The following NKAIN3 variants were observed in gnomAD, a reference collection of about 807,000 sequenced individuals.
NKAIN3 encodes the protein sodium/potassium transporting ATPase interacting 3.
In NKAIN3, 25 loss-of-function variants were observed where a neutral mutation model predicts 30.2. The ratio of observed to expected loss-of-function variants is 0.83; its 90% CI spans 0.60 to 1.16. NKAIN3 has a LOEUF of 1.16. Ranked by LOEUF, NKAIN3 falls within the 50% of genes most tolerant of loss-of-function variation. The pLI is 0.00. For missense variants in NKAIN3, 225 were observed against 254.1 expected (o/e 0.89, Z 0.78); for synonymous variants, 91 against 89.6 (o/e 1.02, Z -0.09).
chr8:62,989,552 A>G (rs1020244041), downstream of NKAIN3, among the ~76,000 whole-genome samples: 3 of 151,928 alleles, frequency 2.0e-5, no homozygotes, highest in Non-Finnish European at 4.4e-5. Flanking sequence ...TGATTCTATA[A>G]CTCCCACAAC....
At chr8:62,869,234 T>A (rs1820515467) in intron 4 of NKAIN3, among the ~76,000 whole-genome samples, 1 of 152,224 alleles carries the variant, frequency 6.6e-6, no homozygotes, top group Admixed American at 6.5e-5. Flanking sequence ...CATGGTGGTT[T>A]GCTGCACCTA....
chr8:62,747,494 G>A (rs1206007770), intron 4 of NKAIN3, among the ~76,000 whole-genome samples: 1 of 152,184 alleles, frequency 6.6e-6, no homozygotes, highest in Non-Finnish European at 1.5e-5. Context: ...AAAGAAGGAT[G>A]GAAACACCCA....
At chr8:62,426,127 G>A (rs761009409) in intron 1 of NKAIN3, among the ~76,000 whole-genome samples, 4 of 151,842 alleles carry the variant, frequency 2.6e-5, no homozygotes, top group Admixed American at 6.6e-5. Flanking sequence ...AGTCAATAGC[G>A]GTTCAAGTCT....
intron 1 of NKAIN3, among the ~76,000 whole-genome samples, chr8:62,250,776 A>G (rs1812076798): frequency 6.6e-6 from 1 of 152,204 alleles, no homozygotes; most frequent in Non-Finnish European, 1.5e-5. Flanking sequence ...CCACTTTCTT[A>G]GTTGATACAA....
intron 4 of NKAIN3, among the ~76,000 whole-genome samples, chr8:62,751,883 C>T (rs1403093816): frequency 6.6e-6 from 1 of 151,736 alleles, no homozygotes; most frequent in Non-Finnish European, 1.5e-5. Flanking sequence ...CCCACTCACT[C>T]CCTCAGGCTG....
intron 4 of NKAIN3, among the ~76,000 whole-genome samples, chr8:62,750,664 A>G (rs1045919019): frequency 2.0e-5 from 3 of 152,104 alleles, no homozygotes; most frequent in African/African-American, 7.2e-5. Context: ...AGGCACAGAG[A>G]AGGTTCTTGT....
chr8:62,559,152 T>G (rs1809492550), intron 1 of NKAIN3, among the ~76,000 whole-genome samples: 1 of 152,062 alleles, frequency 6.6e-6, no homozygotes, highest in African/African-American at 2.4e-5. Flanking sequence ...TGCTTCTGGG[T>G]AGCAGAAGCA....
chr8:62,732,116 A>G (rs1815487363), intron 3 of NKAIN3, among the ~76,000 whole-genome samples: 1 of 152,110 alleles, frequency 6.6e-6, no homozygotes, highest in Non-Finnish European at 1.5e-5. Context: ...ATGTTTTAAT[A>G]ATTTAGATTT....
At chr8:62,857,059 T>C in intron 4 of NKAIN3, 1 of 493,186 alleles carries the variant, frequency 2.0e-6, no homozygotes, top group Non-Finnish European at 4.0e-6. Flanking sequence ...GGCCTCAGTT[T>C]TGTAATACGA....
chr8:62,746,295 C>T (rs1002346735), intron 3 of NKAIN3, among the ~76,000 whole-genome samples: 1 of 152,162 alleles, frequency 6.6e-6, no homozygotes, highest in Admixed American at 6.5e-5. Flanking sequence ...TAAGAATATA[C>T]ACGATTGCAT....
chr8:62,974,941 CT>C lies in NKAIN3; in HGVS notation c.*9535del, dbSNP rs571148830. The stretch of plus-strand genomic sequence containing the variant: ...AATCATGTGGTTTTTGTCATTGGTT[CT>C]GTTTATGTGATGGATTACATTCATT... On this transcript the variant is annotated 3_prime_UTR_variant, in exon 7 of 7. Coordinates refer to ENST00000623646, the MANE Select transcript of NKAIN3 (RefSeq NM_001304533.3). Among the ~76,000 whole-genome samples the C allele has an allele frequency of 3.9e-5, 6 of 152,256 alleles. No individual in the cohort carries two copies. In the South Asian group the frequency reaches 1.2e-3, roughly 32 times the overall value.
At chr8:62,594,186 T>C (rs1810749081) in intron 3 of NKAIN3, among the ~76,000 whole-genome samples, 1 of 151,934 alleles carries the variant, frequency 6.6e-6, no homozygotes, top group South Asian at 2.1e-4. Context: ...CTATCAAACA[T>C]AAGAAATACA....
At chr8:62,433,346 G>T (rs1805073909) in intron 1 of NKAIN3, among the ~76,000 whole-genome samples, 1 of 151,390 alleles carries the variant, frequency 6.6e-6, no homozygotes, top group South Asian at 2.1e-4. Flanking sequence ...GTTAAGAAAG[G>T]AAAAAAACGA....
chr8:62,788,525 G>A (rs1223460414), intron 4 of NKAIN3, among the ~76,000 whole-genome samples: 1 of 152,144 alleles, frequency 6.6e-6, no homozygotes, highest in Admixed American at 6.5e-5. Flanking sequence ...CTGTGCAGAG[G>A]CCGTTTAGTT....
At chr8:62,318,404 G>T (rs1367394799) in intron 1 of NKAIN3, among the ~76,000 whole-genome samples, 1 of 152,118 alleles carries the variant, frequency 6.6e-6, no homozygotes, top group African/African-American at 2.4e-5. Context: ...TCCAGTTTTT[G>T]CCCATTCAGT....
At chr8:62,811,638 GT>G (rs1277014325) in intron 4 of NKAIN3, among the ~76,000 whole-genome samples, 2 of 149,392 alleles carry the variant, frequency 1.3e-5, no homozygotes, top group African/African-American at 4.9e-5. Context: ...TGGAGAATAT[GT>G]TTTTTGTGCT....
intron 4 of NKAIN3, among the ~76,000 whole-genome samples, chr8:62,850,241 C>A (rs1819849353): frequency 6.6e-6 from 1 of 152,158 alleles, no homozygotes. Context: ...CTTTTGGCTG[C>A]ATAAATGTCT....
chr8:62,362,291 G>A (rs2351672), intron 1 of NKAIN3, among the ~76,000 whole-genome samples: 147,643 of 152,306 alleles, frequency 0.97, 71,618 homozygotes, highest in East Asian at 1. Context: ...GCCCTGCATA[G>A]CTCAAATGGT....
At chr8:62,742,436 G>A (rs1388538526) in intron 3 of NKAIN3, among the ~76,000 whole-genome samples, 1 of 152,080 alleles carries the variant, frequency 6.6e-6, no homozygotes, top group Non-Finnish European at 1.5e-5. Flanking sequence ...AGGCAAATAG[G>A]AAAAAGACAG....
Sources: allele counts gnomAD v4.1 joint callset (sites outside exome capture counted in the v4.1 genomes callset), GRCh38; gene constraint gnomAD v4.1.1; transcripts MANE v1.5; gene names NCBI Gene and HGNC (gene_info 2026-07-23, HGNC 2026-07-21).